Variants in LCORL observed in about 807,000 individuals in gnomAD.
LCORL encodes ligand dependent nuclear receptor corepressor like.
Under a neutral mutation model 141.8 loss-of-function variants are expected in LCORL, and 41 were observed. The observed-to-expected ratio is 0.29, with a 90% CI of 0.23 to 0.38. The LOEUF (loss-of-function observed/expected upper bound fraction) is 0.38, where lower values mean the gene tolerates loss of function less well. Among genes scored for constraint, LCORL ranks in the 10% least tolerant of loss-of-function variants. The pLI, the probability that LCORL is intolerant of heterozygous loss-of-function variation, is 1.00. For missense variants in LCORL, 1,759 were observed against 2,035.0 expected, an observed-to-expected ratio of 0.86 and a Z score of 2.61; for synonymous variants, 618 against 694.1, an observed-to-expected ratio of 0.89 and a Z score of 1.72.
At chr4:18,001,823 G>A (rs543417053) in intron 1 of LCORL, among the ~76,000 whole-genome samples, 138 of 152,230 alleles carry the variant, frequency 9.1e-4, no homozygotes, top group Non-Finnish European at 1.5e-3. Context: ...TACACAAATG[G>A]TAACAGGTTC....
chr4:17,951,381 A>G (rs1210812172), intron 4 of LCORL, among the ~76,000 whole-genome samples: 1 of 152,210 alleles, frequency 6.6e-6, no homozygotes, highest in Non-Finnish European at 1.5e-5. Flanking sequence ...TCTTTAGAGA[A>G]AAACAAACAT....
At chr4:17,903,066 A>C (rs1285001149) in intron 5 of LCORL, among the ~76,000 whole-genome samples, 1 of 152,024 alleles carries the variant, frequency 6.6e-6, no homozygotes, top group Non-Finnish European at 1.5e-5. Context: ...CACTGCAGAA[A>C]CGCCCTAAAT....
At chr4:17,849,368 G>A (rs1341708087) in intron 7 of LCORL, among the ~76,000 whole-genome samples, 6 of 152,180 alleles carry the variant, frequency 3.9e-5, no homozygotes, top group Non-Finnish European at 7.3e-5. Flanking sequence ...CGCGGTTCAC[G>A]AAAATCTGCT....
At chr4:17,850,605 G>A (rs1174021057) in intron 7 of LCORL, among the ~76,000 whole-genome samples, 14 of 152,090 alleles carry the variant, frequency 9.2e-5, no homozygotes, top group African/African-American at 1.4e-4. Context: ...TTAGAATGGC[G>A]ATCATTAAAA....
At position 17,962,755 on chromosome 4, in the gene LCORL, TA is replaced by T. The variant is rs150200384; in HGVS notation, c.300+214del. Among the ~76,000 whole-genome samples the T allele has an allele frequency of 3.3e-5, 5 of 150,558 alleles. No individual in the cohort carries two copies. In the East Asian group the frequency reaches 9.7e-4, roughly 29 times the overall value. On this transcript the variant is annotated intron_variant, in intron 3 of 7. Coordinates refer to ENST00000635767, the Ensembl canonical transcript of LCORL. The stretch of plus-strand genomic sequence containing the variant: ...AAGAAAGAAATGTGAAATAAATAAG[TA>T]AAAAAAAAGATGAGTTTTCTAGGAT...
exon 8 of LCORL, chr4:17,845,684 AC>A (rs1722846352): frequency 1.0e-5 from 15 of 1,483,600 alleles, no homozygotes; most frequent in Non-Finnish European, 1.4e-5. Context: ...AGGAATACTG[AC>A]ATACAAAATA....
At chr4:17,962,806 G>T (rs892594840) in intron 3 of LCORL, among the ~76,000 whole-genome samples, 164 bp downstream of exon 3, 3 of 151,826 alleles carry the variant, frequency 2.0e-5, no homozygotes, top group African/African-American at 7.3e-5. Context: ...TAAGCTAAAT[G>T]TTAGATTTCT....
At chr4:17,868,450 A>G (rs1455513169) in intron 7 of LCORL, among the ~76,000 whole-genome samples, 1 of 152,142 alleles carries the variant, frequency 6.6e-6, no homozygotes, top group Non-Finnish European at 1.5e-5. Context: ...TTGATTCTTA[A>G]AAGTTTACTC....
rs1448107938 is a variant in LCORL at position 17,884,046 on chromosome 4, T to C, written c.776+2022A>G. 6.4e-7 allele frequency: 1 copy of C among 1,550,786 alleles called. No individual in the cohort carries two copies. Among genetic ancestry groups the C allele is most frequent in the Non-Finnish European group, 8.7e-7 (1 of 1,146,370 alleles). On this transcript the variant is annotated intron_variant, in intron 6 of 7. Coordinates refer to ENST00000635767, the Ensembl canonical transcript of LCORL. The surrounding 1 kb of genome is among the most constrained non-coding windows in gnomAD (Gnocchi z 4.4). ...GTATTTTCAGAGGTTCCATCAACTG[T>C]TCCATTTTTAGAATTAAGACACAAA... is the stretch of plus-strand genomic sequence containing the variant.
At chr4:17,904,783 CTTAA>C (rs1229108663) in intron 5 of LCORL, among the ~76,000 whole-genome samples, 3 of 152,120 alleles carry the variant, frequency 2.0e-5, no homozygotes, top group Non-Finnish European at 2.9e-5. Context: ...AATTACTGCA[CTTAA>C]TTAATGCTGC....
At chr4:17,891,242 G>A (rs1006978211) in intron 5 of LCORL, among the ~76,000 whole-genome samples, 2 of 152,028 alleles carry the variant, frequency 1.3e-5, no homozygotes, top group African/African-American at 4.8e-5. Context: ...TAATAAAACT[G>A]AAAATGAAAG....
exon 7 of LCORL, chr4:17,875,986 C>T (rs563732339): frequency 1.6e-6 from 2 of 1,231,028 alleles, no homozygotes; most frequent in African/African-American, 3.1e-5. Context: ...GTTTTTTCTT[C>T]AGTTACGTGA....
chr4:17,921,838 GGA>G (rs1186218157), intron 4 of LCORL, among the ~76,000 whole-genome samples: 5 of 152,096 alleles, frequency 3.3e-5, no homozygotes, highest in Non-Finnish European at 7.4e-5. Flanking sequence ...AGCAGATAGC[GGA>G]ATGTGGAAAA....
chr4:17,859,922 G>C (rs1000906687), intron 7 of LCORL, among the ~76,000 whole-genome samples: 8 of 152,200 alleles, frequency 5.3e-5, no homozygotes, highest in Non-Finnish European at 1.0e-4. Context: ...GCTAACCGGA[G>C]AGGTGAAAGT....
intron 4 of LCORL, among the ~76,000 whole-genome samples, chr4:17,942,206 T>C (rs971771713): frequency 2.6e-5 from 4 of 152,088 alleles, no homozygotes; most frequent in South Asian, 2.1e-4. Context: ...ATTTTGACAA[T>C]AGAGTGAAAC....
At chr4:17,861,146 C>G (rs986054476) in intron 7 of LCORL, among the ~76,000 whole-genome samples, 1 of 152,210 alleles carries the variant, frequency 6.6e-6, no homozygotes, top group Non-Finnish European at 1.5e-5. Context: ...TGTGTGGGGG[C>G]TGTGACTCCA....
chr4:17,950,558 A>G lies in LCORL; in HGVS notation c.430+11345T>C, dbSNP rs952695316. ...ATTAGCCAATCAGGCTTGGAGGAAA[A>G]TATCACTGCAAACAATGAATGGAGT... On this transcript the variant is annotated intron_variant, in intron 4 of 7. Transcript: ENST00000635767. Among the ~76,000 whole-genome samples the G allele has an allele frequency of 5.9e-5, 9 of 152,160 alleles. No individual in the cohort carries two copies. In the South Asian group the frequency reaches 1.9e-3, roughly 32 times the overall value.
chr4:17,970,369 T>C (rs1477705482), intron 2 of LCORL, among the ~76,000 whole-genome samples: 2 of 152,234 alleles, frequency 1.3e-5, no homozygotes, highest in Non-Finnish European at 1.5e-5. Context: ...TTATGTGGTA[T>C]TGCAATTACA....
intron 7 of LCORL, among the ~76,000 whole-genome samples, chr4:17,851,423 T>A (rs1029161006): frequency 6.6e-6 from 1 of 152,284 alleles, no homozygotes; most frequent in East Asian, 1.9e-4. Flanking sequence ...TAGGTATCTG[T>A]GTTTCAACTC....
Sources: allele counts gnomAD v4.1 joint callset (sites outside exome capture counted in the v4.1 genomes callset), GRCh38; gene constraint gnomAD v4.1.1; non-coding constraint Gnocchi (gnomAD v3.1); transcripts MANE v1.5; gene names NCBI Gene and HGNC (gene_info 2026-07-23, HGNC 2026-07-21).